Variants in ZNF804A observed in about 807,000 individuals in gnomAD.
The protein encoded by ZNF804A is zinc finger protein 804A.
A neutral mutation model predicts 16.5 loss-of-function variants in ZNF804A; 2 were observed. That is an observed-to-expected ratio of 0.12 (90% CI 0.05 to 0.38). The LOEUF is 0.38. Among genes scored for constraint, ZNF804A ranks in the 10% least tolerant of loss-of-function variants. ZNF804A has a pLI of 0.99. For missense variants in ZNF804A, 1,473 were observed against 1,390.7 expected (o/e 1.06, Z -0.94); for synonymous variants, 534 against 489.6 (o/e 1.09, Z -1.20).
At chr2:184,689,144 G>A (rs1218498065) in intron 1 of ZNF804A, among the ~76,000 whole-genome samples, 1 of 152,104 alleles carries the variant, frequency 6.6e-6, no homozygotes, top group African/African-American at 2.4e-5. Context: ...GAATCGATGG[G>A]TTAGTTTACA....
rs1316257907 is a variant in ZNF804A at position 184,938,520 on chromosome 2, GA to G, written c.3125del (p.Asp1042AlafsTer54). ...ATTATTGATCCCACTAGAAAACCAT[GA>G]CAAATTCAAAAATGTACCATGTGAG... Reference protein sequence around the residue: ...QALLIPLENHDKFKNVPCEVY... With the variant: ...QALLIPLENHXKFKNVPCEVY... On this transcript the variant is annotated frameshift_variant, in exon 4 of 4. Coordinates refer to ENST00000302277, the MANE Select transcript of ZNF804A (RefSeq NM_194250.2). LOFTEE classifies it low-confidence loss of function (END_TRUNC). 1 of 1,614,024 alleles carries G rather than the reference GA, an allele frequency of 6.2e-7. No individual in the cohort carries two copies. The highest frequency in any genetic ancestry group is 1.7e-5 in the Admixed American group (1 of 59,990).
At chr2:184,815,810 C>T (rs1241704654) in intron 1 of ZNF804A, among the ~76,000 whole-genome samples, 1 of 151,878 alleles carries the variant, frequency 6.6e-6, no homozygotes, top group East Asian at 1.9e-4. Flanking sequence ...GAAATGCTAT[C>T]ACATTGACTC....
chr2:184,648,881 G>A (rs1691928887), intron 1 of ZNF804A, among the ~76,000 whole-genome samples: 1 of 152,012 alleles, frequency 6.6e-6, no homozygotes, highest in Non-Finnish European at 1.5e-5. Context: ...AGATTATTGA[G>A]GCAGAAAATT....
intron 1 of ZNF804A, among the ~76,000 whole-genome samples, chr2:184,695,871 C>T (rs1357558057): frequency 2.6e-5 from 4 of 152,066 alleles, no homozygotes. Context: ...GTATCCTCTG[C>T]TTATTATTTT....
intron 1 of ZNF804A, among the ~76,000 whole-genome samples, chr2:184,862,572 C>T (rs533281328): frequency 5.9e-5 from 9 of 152,188 alleles, no homozygotes; most frequent in African/African-American, 1.9e-4. Context: ...CAACAGAACA[C>T]ACAAATATAT....
intron 1 of ZNF804A, among the ~76,000 whole-genome samples, chr2:184,637,676 A>ATACATTCTCTCTATT (rs6147067): frequency 6.6e-6 from 1 of 151,818 alleles, no homozygotes; most frequent in Non-Finnish European, 1.5e-5. Context: ...TGCAGGCATA[A>ATACATTCTCTCTATT]TTTAGAAAAT....
intron 1 of ZNF804A, among the ~76,000 whole-genome samples, chr2:184,644,400 T>G (rs1691840902): frequency 6.6e-6 from 1 of 151,786 alleles, no homozygotes; most frequent in South Asian, 2.1e-4. Context: ...AGTAATTTTT[T>G]AAACCAGTTT....
chr2:184,729,295 C>T (rs1047597891), intron 1 of ZNF804A, among the ~76,000 whole-genome samples: 1 of 151,616 alleles, frequency 6.6e-6, no homozygotes, highest in Non-Finnish European at 1.5e-5. Flanking sequence ...TAAATATATA[C>T]AATTTTTACT....
chr2:184,918,410 T>A (rs1006413818), intron 2 of ZNF804A, among the ~76,000 whole-genome samples: 3 of 152,120 alleles, frequency 2.0e-5, no homozygotes, highest in African/African-American at 7.2e-5. Context: ...AGTAAGTAAA[T>A]CAATAGTGGT....
At chr2:184,905,897 G>A (rs1210520192) in intron 2 of ZNF804A, among the ~76,000 whole-genome samples, 1 of 152,080 alleles carries the variant, frequency 6.6e-6, no homozygotes, top group Non-Finnish European at 1.5e-5. Flanking sequence ...TGTGTACTTG[G>A]TGATATAGCT....
chr2:184,669,133 A>C (rs1692301267), intron 1 of ZNF804A, among the ~76,000 whole-genome samples: 1 of 152,054 alleles, frequency 6.6e-6, no homozygotes, highest in Non-Finnish European at 1.5e-5. Context: ...TATGAGACAG[A>C]AAATATATAT....
At chr2:184,848,610 T>C (rs925575033) in intron 1 of ZNF804A, among the ~76,000 whole-genome samples, 5 of 151,976 alleles carry the variant, frequency 3.3e-5, no homozygotes, top group Admixed American at 6.6e-5. Flanking sequence ...CTAGGAAGAA[T>C]AAATAACAAG....
chr2:184,756,139 TACTC>T (rs1693956158), intron 1 of ZNF804A, among the ~76,000 whole-genome samples: 1 of 152,032 alleles, frequency 6.6e-6, no homozygotes, highest in Non-Finnish European at 1.5e-5. Context: ...ATTCATTTCT[TACTC>T]AACCTTCTAA....
At chr2:184,609,631 A>T (rs941652091) in intron 1 of ZNF804A, among the ~76,000 whole-genome samples, 1 of 152,204 alleles carries the variant, frequency 6.6e-6, no homozygotes, top group African/African-American at 2.4e-5. Flanking sequence ...CCTGGTTTGC[A>T]TGTGGTCTTC....
intron 1 of ZNF804A, among the ~76,000 whole-genome samples, chr2:184,724,955 A>C (rs2105744436): frequency 6.6e-6 from 1 of 151,892 alleles, no homozygotes. Context: ...AGTAATGTGA[A>C]AGAGTTGCAT....
chr2:184,728,736 G>C (rs1477081062), intron 1 of ZNF804A, among the ~76,000 whole-genome samples: 1 of 151,810 alleles, frequency 6.6e-6, no homozygotes, highest in East Asian at 1.9e-4. Flanking sequence ...TTCAAAAAGA[G>C]ATCTTGATTT....
chr2:184,819,980 A>C (rs1472326685), intron 1 of ZNF804A, among the ~76,000 whole-genome samples: 2 of 152,090 alleles, frequency 1.3e-5, no homozygotes, highest in Admixed American at 6.6e-5. Flanking sequence ...ACTAAATTTT[A>C]CCGGGGGTAC....
At chr2:184,651,676 C>T (rs990149792) in intron 1 of ZNF804A, among the ~76,000 whole-genome samples, 1 of 151,894 alleles carries the variant, frequency 6.6e-6, no homozygotes, top group Non-Finnish European at 1.5e-5. Context: ...AAGTGGCCAA[C>T]AAACATGAAA....
At chr2:184,845,740 G>A (rs1157992858) in intron 1 of ZNF804A, among the ~76,000 whole-genome samples, 1 of 152,124 alleles carries the variant, frequency 6.6e-6, no homozygotes, top group Non-Finnish European at 1.5e-5. Flanking sequence ...ATGAGAATGT[G>A]GTAGGGCTTA....
Sources: gnomAD v4.1 joint callset for allele counts (sites outside exome capture counted in the v4.1 genomes callset) on GRCh38, gnomAD v4.1.1 for gene constraint, MANE v1.5 for transcripts, NCBI Gene and HGNC (gene_info 2026-07-23, HGNC 2026-07-21) for gene names.